The following SDC3 variants were observed in gnomAD, a reference collection of about 807,000 sequenced individuals.
SDC3 encodes syndecan 3.
In SDC3, 13 loss-of-function variants were observed where a neutral mutation model predicts 24.4. The observed-to-expected ratio is 0.53, with a 90% confidence interval of 0.35 to 0.85. SDC3 has a LOEUF of 0.85. Ranked by LOEUF, SDC3 falls within the 40% of genes least tolerant of loss-of-function variation. The pLI is 0.01. For synonymous variants in SDC3, 295 were observed against 260.9 expected (o/e 1.13, Z -1.26); for missense variants, 571 against 584.5 (o/e 0.98, Z 0.24).
chr1:30,876,452 T>C, intron 3 of SDC3, 100 bp downstream of exon 3: 3 of 1,057,714 alleles, frequency 2.8e-6, no homozygotes, highest in South Asian at 2.6e-5. Context: ...CTCATCTCTA[T>C]AGCCTCCTGG....
rs758888795 is a variant in SDC3, at chr1:30,870,094, C to T, written c.*3117G>A. 1 of 394,504 alleles carries T rather than the reference C, an allele frequency of 2.5e-6. No homozygotes were observed. Among genetic ancestry groups the T allele is most frequent in the Non-Finnish European group, 4.5e-6 (1 of 224,022 alleles). 24.4% of individuals were successfully genotyped at this position (394,504 alleles called of 1,614,324 possible). Reference sequence around the variant, plus strand: ...GAAATCCAGAGAACACAGGAGGCAGCCACTCCTACCCCATGAGGCAGAGGG... The same window carrying T: ...GAAATCCAGAGAACACAGGAGGCAGTCACTCCTACCCCATGAGGCAGAGGG... On this transcript the variant is annotated 3_prime_UTR_variant, in exon 5 of 5. Transcript: ENST00000339394.
At chr1:30,896,365 C>G (rs565347618) in intron 1 of SDC3, among the ~76,000 whole-genome samples, 4 of 152,112 alleles carry the variant, frequency 2.6e-5, no homozygotes, top group East Asian at 1.9e-4. Context: ...CCAGACACTA[C>G]GAAGTGAAAT....
At chr1:30,897,333 C>T (rs1376240532) in intron 1 of SDC3, among the ~76,000 whole-genome samples, 1 of 152,206 alleles carries the variant, frequency 6.6e-6, no homozygotes, top group Non-Finnish European at 1.5e-5. Flanking sequence ...TCAGAAGATA[C>T]TCATGATGAC....
In SDC3 at chr1:30,904,862, G is replaced by A. The variant is rs1638484666; in HGVS notation, c.138+3587C>T. Reference sequence around the variant, plus strand: ...CTCCTGAGAGCTCACTACGTGGCAGGTGTGCTCGGTCTACTCAAGCAGCTC... The same window carrying A: ...CTCCTGAGAGCTCACTACGTGGCAGATGTGCTCGGTCTACTCAAGCAGCTC... On this transcript the variant is annotated intron_variant, in intron 1 of 4. Coordinates refer to ENST00000339394, the MANE Select transcript of SDC3 (RefSeq NM_014654.4). Among the ~76,000 whole-genome samples the A allele has an allele frequency of 4.6e-5, 7 of 152,260 alleles. No homozygotes were observed. In the South Asian group the frequency reaches 1.5e-3, roughly 32 times the overall value.
chr1:30,906,617 G>A (rs1237519221), intron 1 of SDC3, among the ~76,000 whole-genome samples: 1 of 152,104 alleles, frequency 6.6e-6, no homozygotes, highest in Non-Finnish European at 1.5e-5. Context: ...TGACTCCTGA[G>A]CTCCTTCTCA....
intron 1 of SDC3, among the ~76,000 whole-genome samples, chr1:30,902,926 A>T (rs1638444022): frequency 6.6e-6 from 1 of 152,188 alleles, no homozygotes; most frequent in Admixed American, 6.5e-5. Flanking sequence ...GGCTTCCTTC[A>T]TTCCTTTATT....
intron 1 of SDC3, among the ~76,000 whole-genome samples, chr1:30,907,548 A>T (rs1638548283): frequency 1.3e-5 from 2 of 152,048 alleles, no homozygotes; most frequent in South Asian, 2.1e-4. Context: ...GGTCTTTCAC[A>T]CACACACCCT....
rs1639517919 is a variant in SDC3, at chr1:30,870,685, A to C, written c.*2526T>G. ...CAAATGCTAAGGACACAGAGAAGAGAAGCCAGTGCCTGGAGCCCAAGCCCC... is the reference window on the plus strand; with the variant it reads ...CAAATGCTAAGGACACAGAGAAGAGCAGCCAGTGCCTGGAGCCCAAGCCCC... On this transcript the variant is annotated 3_prime_UTR_variant, in exon 5 of 5. Transcript: ENST00000339394. The C allele has an allele frequency of 1.3e-5, 2 of 152,380 alleles. No individual in the cohort carries two copies. The highest frequency in any genetic ancestry group is 4.8e-5 in the African/African-American group (2 of 41,454). 9.4% of individuals were successfully genotyped at this position (152,380 alleles called of 1,614,324 possible).
intron 1 of SDC3, among the ~76,000 whole-genome samples, chr1:30,887,656 T>C (rs1639850463): frequency 6.6e-6 from 1 of 152,228 alleles, no homozygotes; most frequent in South Asian, 2.1e-4. Context: ...GGAATGTGTC[T>C]GTCTCCCCCT....
rs769110784 is a variant in SDC3 at position 30,874,263 on chromosome 1, C to T, written c.1162+34G>A. 3.3e-5 allele frequency: 52 copies of T among 1,552,808 alleles called. 2 individuals carry two copies. The South Asian group carries it at 5.8e-4, about 17-fold the overall frequency. On this transcript the variant is annotated intron_variant, in intron 4 of 4. Transcript: ENST00000339394. ...CCAGCTGTCTCACTCTGGTATCCTC[C>T]CAGGCTCCCCTTGGCCCAGACCCCA...
Position 30,878,610 on chromosome 1 carries a change from G to A in SDC3, c.256+13C>T. The A allele has an allele frequency of 6.3e-7, 1 of 1,596,024 alleles. No homozygotes were observed. Among genetic ancestry groups the A allele is most frequent in the Non-Finnish European group, 8.6e-7 (1 of 1,163,380 alleles). ...CACTGCCCCCAGGCAGAGGTAGGGA[G>A]GGGGGTACTTACAGCCCGAGCCCGA... On this transcript the variant is annotated intron_variant, in intron 2 of 4. Coordinates refer to ENST00000339394, the MANE Select transcript of SDC3 (RefSeq NM_014654.4).
In SDC3 at chr1:30,869,954, T is replaced by C. The variant is rs1404569964; in HGVS notation, c.*3257A>G. Reference sequence around the variant, plus strand: ...GATGCTGGGGCCATCGGCTCTCAGATGGCAACTCCCAGGGCCCAGTCTCGA... The same window carrying C: ...GATGCTGGGGCCATCGGCTCTCAGACGGCAACTCCCAGGGCCCAGTCTCGA... On this transcript the variant is annotated 3_prime_UTR_variant, in exon 5 of 5. Coordinates refer to ENST00000339394, the MANE Select transcript of SDC3 (RefSeq NM_014654.4). 2.5e-6 allele frequency: 1 copy of C among 398,516 alleles called. No homozygotes were observed. The highest frequency in any genetic ancestry group is 4.4e-5 in the Admixed American group (1 of 22,726). 24.7% of individuals were successfully genotyped at this position (398,516 alleles called of 1,614,324 possible).
intron 1 of SDC3, among the ~76,000 whole-genome samples, chr1:30,885,075 A>G (rs1639808591): frequency 6.6e-6 from 1 of 152,222 alleles, no homozygotes; most frequent in South Asian, 2.1e-4. Flanking sequence ...ATAGCTGTTG[A>G]TAGGAATATG....
rs531469243 is a variant in SDC3 at position 30,870,057 on chromosome 1, T to A, written c.*3154A>T. The A allele has an allele frequency of 1.4e-4, 57 of 397,368 alleles. 1 individual carries two copies. The highest frequency in any genetic ancestry group is 1.1e-3 in the African/African-American group (53 of 48,698). 24.6% of individuals were successfully genotyped at this position (397,368 alleles called of 1,614,324 possible). On this transcript the variant is annotated 3_prime_UTR_variant, in exon 5 of 5. Coordinates refer to ENST00000339394, the MANE Select transcript of SDC3 (RefSeq NM_014654.4). ...TGGGGAGGCAAGTCCAGGGTTGTAG[T>A]TGTTGGGAGAAGAAATCCAGAGAAC...
intron 3 of SDC3, among the ~76,000 whole-genome samples, chr1:30,874,833 T>C (rs1199949825): frequency 1.3e-5 from 2 of 152,170 alleles, no homozygotes; most frequent in Non-Finnish European, 2.9e-5. Flanking sequence ...AAAATTCAGA[T>C]CTATCTGTCT....
At chr1:30,908,006 C>G (rs1220763654) in intron 1 of SDC3, among the ~76,000 whole-genome samples, 1 of 152,178 alleles carries the variant, frequency 6.6e-6, no homozygotes, top group Non-Finnish European at 1.5e-5. Context: ...GCCGGGACGG[C>G]GACCCCCAGC....
intron 1 of SDC3, among the ~76,000 whole-genome samples, chr1:30,879,822 GA>G (rs1486631478): frequency 2.6e-5 from 4 of 152,168 alleles, no homozygotes; most frequent in Non-Finnish European, 4.4e-5. Context: ...GAGTCCCCAA[GA>G]TTCCTCAGTG....
chr1:30,906,761 A>G (rs1288116074), intron 1 of SDC3, among the ~76,000 whole-genome samples: 1 of 152,214 alleles, frequency 6.6e-6, no homozygotes, highest in Non-Finnish European at 1.5e-5. Flanking sequence ...CGGCGGGGGT[A>G]GCAGGATTGG....
chr1:30,897,386 G>A (rs1411871822), intron 1 of SDC3, among the ~76,000 whole-genome samples: 1 of 152,174 alleles, frequency 6.6e-6, no homozygotes. Context: ...TTGGAACAGT[G>A]AACAATTTGG....
Sources: gnomAD v4.1 joint callset for allele counts (sites outside exome capture counted in the v4.1 genomes callset) on GRCh38, gnomAD v4.1.1 for gene constraint, MANE v1.5 for transcripts, NCBI Gene and HGNC (gene_info 2026-07-23, HGNC 2026-07-21) for gene names.